Variants in UGT2B4 observed in about 807,000 individuals in gnomAD.
The protein encoded by UGT2B4 is UDP glucuronosyltransferase family 2 member B4, also known as UDP-glucuronosyltransferase 2B4.
Under a neutral mutation model 49.8 loss-of-function variants are expected in UGT2B4, and 49 were observed. That is an observed-to-expected ratio of 0.98 (90% CI 0.78 to 1.25). UGT2B4 has a LOEUF of 1.25. Among genes scored for constraint, UGT2B4 ranks in the 50% most tolerant of loss-of-function variants. UGT2B4 has a pLI of 0.00. For synonymous variants in UGT2B4, 246 were observed against 217.7 expected (o/e 1.13, Z -1.14); for missense variants, 729 against 627.7 (o/e 1.16, Z -1.73).
intron 1 of UGT2B4, among the ~76,000 whole-genome samples, chr4:69,494,170 T>A (rs1577888911): frequency 6.6e-6 from 1 of 152,148 alleles, no homozygotes; most frequent in East Asian, 1.9e-4. Context: ...GTAGCAGATA[T>A]ACGTATAAAC....
chr4:69,501,469 T>A (rs1004702579), intron 1 of UGT2B4, among the ~76,000 whole-genome samples: 2 of 152,166 alleles, frequency 1.3e-5, no homozygotes, highest in Non-Finnish European at 2.9e-5. Context: ...CTTTGCTGTT[T>A]GGGCGACTTA....
At chr4:69,485,579 T>G in intron 4 of UGT2B4, 152 bp from the exon 5 acceptor site, 1 of 1,061,776 alleles carries the variant, frequency 9.4e-7, no homozygotes, top group Non-Finnish European at 1.4e-6. Flanking sequence ...CGCCTACTTC[T>G]GCTGGAGATG....
chr4:69,498,933 T>C (rs954041579), upstream of UGT2B4, among the ~76,000 whole-genome samples: 1 of 152,184 alleles, frequency 6.6e-6, no homozygotes, highest in Admixed American at 6.5e-5. Flanking sequence ...CACTTGGCTC[T>C]CTAGTTCTTT....
At chr4:69,481,247 G>C (rs1211492785) in intron 5 of UGT2B4, among the ~76,000 whole-genome samples, 1 of 152,052 alleles carries the variant, frequency 6.6e-6, no homozygotes, top group African/African-American at 2.4e-5. Context: ...CCAGCCTGGT[G>C]ACAGAGTGAG....
intron 1 of UGT2B4, among the ~76,000 whole-genome samples, chr4:69,516,222 A>T (rs951118802): frequency 6.6e-6 from 1 of 152,164 alleles, no homozygotes; most frequent in South Asian, 2.1e-4. Flanking sequence ...TATGTACTAC[A>T]TTTTCTTTAG....
At chr4:69,520,297 G>A (rs1400007508) in intron 1 of UGT2B4, among the ~76,000 whole-genome samples, 2 of 152,220 alleles carry the variant, frequency 1.3e-5, no homozygotes, top group African/African-American at 4.8e-5. Flanking sequence ...CACTATTGAT[G>A]ACAGCTCTCA....
At position 69,508,596 on chromosome 4, in the gene UGT2B4, C is replaced by T. The variant is rs149592622; in HGVS notation, c.-105-12630G>A. Among the ~76,000 whole-genome samples the T allele has an allele frequency of 3.9e-4, 59 of 152,234 alleles. No homozygotes were observed. In the Middle Eastern group the frequency reaches 0.01, roughly 26 times the overall value. ...GATGCCATTATTCTCAACAAACTAA[C>T]GCAGCAGCAGAAAACCAAATACTGC... On this transcript the variant is annotated intron_variant, in intron 1 of 1. Transcript: ENST00000510114.
intron 1 of UGT2B4, among the ~76,000 whole-genome samples, chr4:69,494,247 C>A (rs1418721301): frequency 1.3e-5 from 2 of 152,122 alleles, no homozygotes; most frequent in Non-Finnish European, 2.9e-5. Flanking sequence ...AACAAATAGT[C>A]TAATTTCCCA....
chr4:69,490,323 G>A (rs1727943432), intron 2 of UGT2B4, among the ~76,000 whole-genome samples: 1 of 152,062 alleles, frequency 6.6e-6, no homozygotes, highest in African/African-American at 2.4e-5. Context: ...TGTTTAAGTG[G>A]AACAATTTTT....
chr4:69,504,673 A>G (rs1298845749), intron 1 of UGT2B4, among the ~76,000 whole-genome samples: 1 of 95,496 alleles, frequency 1.0e-5, no homozygotes, highest in African/African-American at 3.2e-5. Flanking sequence ...CTTGGAAACC[A>G]TATTTCAGGT....
In UGT2B4 at chr4:69,489,489, C is replaced by A; in HGVS notation, c.952G>T (p.Glu318Ter). 1 of 1,611,996 alleles carries A rather than the reference C, an allele frequency of 6.2e-7. No individual in the cohort carries two copies. Residue 318 changes from glutamate (E) to a stop codon, truncating the protein, a stop_gained, in exon 3 of 6, where the codon GAA becomes TAA. Coordinates refer to ENST00000305107, the MANE Select transcript of UGT2B4 (RefSeq NM_021139.3). LOFTEE classifies it high-confidence loss of function. ...GATGCAATTACATTGGCCCTTTCTT[C>A]TGACGTGTTACTGACCATCGACCCC... ...SLGSMVSNTS[E>*]ERANVIASAL...
In UGT2B4 at chr4:69,486,688, CCA is replaced by C; in HGVS notation, c.1009_1010del (p.Trp337GlufsTer3). 1 of 1,604,518 alleles carries C rather than the reference CCA, an allele frequency of 6.2e-7. No homozygotes were observed. The highest frequency in any genetic ancestry group is 1.3e-5 in the African/African-American group (1 of 74,488). On this transcript the variant is annotated frameshift_variant, in exon 4 of 6. Coordinates refer to ENST00000305107, the MANE Select transcript of UGT2B4 (RefSeq NM_021139.3). LOFTEE classifies it high-confidence loss of function. ...TATCTGGTTTATTCCCATCAAATCT[CCA>C]CAGAACCTGTTACAGTGAAGAAAAT... ...ALAKIPQKVLWRFDGNKPDTL... is the reference protein window; with the variant it reads ...ALAKIPQKVLXRFDGNKPDTL...
chr4:69,491,744 T>C (rs1184994398), intron 2 of UGT2B4, among the ~76,000 whole-genome samples: 1 of 152,106 alleles, frequency 6.6e-6, no homozygotes, highest in Non-Finnish European at 1.5e-5. Flanking sequence ...ACTGGCACTG[T>C]CAGTTTCCCT....
At chr4:69,489,681 G>A in intron 2 of UGT2B4, 111 bp from the exon 3 acceptor site, 1 of 1,439,692 alleles carries the variant, frequency 6.9e-7, no homozygotes, top group Non-Finnish European at 9.3e-7. Context: ...AATTATTGGA[G>A]TAAAGGATGT....
intron 1 of UGT2B4, among the ~76,000 whole-genome samples, chr4:69,507,073 C>T (rs928746048): frequency 6.6e-6 from 1 of 151,928 alleles, no homozygotes; most frequent in Non-Finnish European, 1.5e-5. Flanking sequence ...AGGAACATAC[C>T]TCAAAATAAA....
At chr4:69,515,772 AAAG>A (rs1341422300) in intron 1 of UGT2B4, among the ~76,000 whole-genome samples, 1 of 152,166 alleles carries the variant, frequency 6.6e-6, no homozygotes, top group African/African-American at 2.4e-5. Flanking sequence ...CTAGACTAAT[AAAG>A]AAGAAAAGAG....
chr4:69,519,996 A>G (rs1394212692), intron 1 of UGT2B4, among the ~76,000 whole-genome samples: 1 of 152,216 alleles, frequency 6.6e-6, no homozygotes, highest in Non-Finnish European at 1.5e-5. Flanking sequence ...TATCTCACAA[A>G]TAAACACAAG....
At chr4:69,485,162 G>T (rs777707734) in intron 5 of UGT2B4, 46 bp downstream of exon 5, 1 of 1,598,116 alleles carries the variant, frequency 6.3e-7, no homozygotes. Flanking sequence ...ATTCACAAGG[G>T]AACCTATCTA....
chr4:69,489,949 T>C (rs1317827410), intron 2 of UGT2B4, among the ~76,000 whole-genome samples: 4 of 152,170 alleles, frequency 2.6e-5, no homozygotes, highest in Non-Finnish European at 4.4e-5. Flanking sequence ...CTAAATCACA[T>C]ATGCTTATTT....
Sources: allele counts gnomAD v4.1 joint callset (sites outside exome capture counted in the v4.1 genomes callset), GRCh38; gene constraint gnomAD v4.1.1; transcripts MANE v1.5; gene names NCBI Gene and HGNC (gene_info 2026-07-23, HGNC 2026-07-21).